LYPD1: variants seen among roughly 807,000 people sequenced by gnomAD.
LYPD1 encodes the protein ly6/PLAUR domain-containing protein 1.
In LYPD1, 14 loss-of-function variants were observed where a neutral mutation model predicts 14.2. That is an observed-to-expected ratio of 0.99 (90% CI 0.65 to 1.54). The LOEUF is 1.54. Among genes scored for constraint, LYPD1 ranks in the 40% most tolerant of loss-of-function variants. The pLI, the probability that LYPD1 is intolerant of heterozygous loss-of-function variation, is 0.00. For missense variants in LYPD1, 165 were observed against 175.7 expected (o/e 0.94, Z 0.34); for synonymous variants, 85 against 70.6 (o/e 1.20, Z -1.02).
At chr2:132,670,236 G>T, upstream of LYPD1, 5 of 757,876 alleles carry the variant, frequency 6.6e-6, no homozygotes, top group Non-Finnish European at 9.1e-6. This position sits in a 1 kb window ranked among gnomAD's most constrained non-coding sequence, Gnocchi z 4.5. Context: ...ACCCACAAAA[G>T]TCTCGCCTTT....
Position 132,644,346 on chromosome 2 carries a change from C to A in LYPD1, c.*1699G>T, listed in dbSNP as rs1274574352. Reference sequence around the variant, plus strand: ...GGGCTGTTGACAGCACAGCTCAGTGCTGCAAAGGAAGGGAACATGTTACTG... The same window carrying A: ...GGGCTGTTGACAGCACAGCTCAGTGATGCAAAGGAAGGGAACATGTTACTG... On this transcript the variant is annotated 3_prime_UTR_variant, in exon 3 of 3. Transcript: ENST00000397463. Among the ~76,000 whole-genome samples the A allele has an allele frequency of 1.3e-5, 2 of 152,196 alleles. No individual in the cohort carries two copies. The highest frequency in any genetic ancestry group is 2.9e-5 in the Non-Finnish European group (2 of 68,034).
Position 132,645,831 on chromosome 2 carries a change from C to T in LYPD1, c.*214G>A, listed in dbSNP as rs1262140970. On this transcript the variant is annotated 3_prime_UTR_variant, in exon 3 of 3. Coordinates refer to ENST00000397463, the MANE Select transcript of LYPD1 (RefSeq NM_144586.7). ...GGGTGAACTTTCACTCCACCTCCTTCCTTCAAGTACATACTGAAAATTCAG... is the reference window on the plus strand; with the variant it reads ...GGGTGAACTTTCACTCCACCTCCTTTCTTCAAGTACATACTGAAAATTCAG... The T allele has an allele frequency of 3.0e-6, 2 of 673,960 alleles. No individual in the cohort carries two copies. The highest frequency in any genetic ancestry group is 3.6e-5 in the African/African-American group (2 of 55,070). The allele number at this position is 673,960 out of a possible 1,614,324, so 41.7% of individuals were successfully genotyped here. A position where few individuals can be genotyped will look rare whatever the true frequency, so the allele number is the denominator to read the frequency against.
chr2:132,659,529 G>T (rs1045430489), intron 2 of LYPD1, among the ~76,000 whole-genome samples: 1 of 152,228 alleles, frequency 6.6e-6, no homozygotes, highest in Non-Finnish European at 1.5e-5. Context: ...GCTGGCTGGA[G>T]AACACTGAAC....
rs1274021917 is a variant in LYPD1 at position 132,669,764 on chromosome 2, G to T, written c.52+117C>A. 13 of 1,479,906 alleles carry T rather than the reference G, an allele frequency of 8.8e-6. No individual in the cohort carries two copies. The highest frequency in any genetic ancestry group is 6.5e-5 in the South Asian group (5 of 76,658). 91.7% of individuals were successfully genotyped at this position (1,479,906 alleles called of 1,614,324 possible). Reference sequence around the variant, plus strand: ...GCACCAGTCGCGGCCGCCAACTCCCGCTGGGCAGCCCCAGCGCAGGGCTGG... The same window carrying T: ...GCACCAGTCGCGGCCGCCAACTCCCTCTGGGCAGCCCCAGCGCAGGGCTGG... On this transcript the variant is annotated intron_variant, in intron 1 of 2. Transcript: ENST00000397463. The surrounding 1 kb of genome is among the most constrained non-coding windows in gnomAD (Gnocchi z 4.3).
chr2:132,669,790 C>T lies in LYPD1; in HGVS notation c.52+91G>A. On this transcript the variant is annotated intron_variant, in intron 1 of 2. Coordinates refer to ENST00000397463, the MANE Select transcript of LYPD1 (RefSeq NM_144586.7). This position sits in a 1 kb window ranked among gnomAD's most constrained non-coding sequence, Gnocchi z 4.3. ...CTGGGCAGCCCCAGCGCAGGGCTGG[C>T]CCCGAGGTGGGCGCCTTGGGGGCAA... 1 of 1,558,880 alleles carries T rather than the reference C, an allele frequency of 6.4e-7. No homozygotes were observed.
At chr2:132,662,485 T>G in intron 2 of LYPD1, among the ~76,000 whole-genome samples, 1 of 151,088 alleles carries the variant, frequency 6.6e-6, no homozygotes, top group Non-Finnish European at 1.5e-5. Context: ...AAAATAGGGG[T>G]TGAAGTGTTG....
chr2:132,643,818 C>A lies in LYPD1; in HGVS notation c.*2227G>T, dbSNP rs1302241151. ...ATCAGGCATGCGCCACCATGTCTGG[C>A]CCCCATTTATTAATAGAATATTTAC... On this transcript the variant is annotated 3_prime_UTR_variant, in exon 3 of 3. Transcript: ENST00000397463. Among the ~76,000 whole-genome samples the A allele has an allele frequency of 6.6e-6, 1 of 152,146 alleles. No homozygotes were observed. The highest frequency in any genetic ancestry group is 1.9e-4 in the East Asian group (1 of 5,192).
chr2:132,648,104 A>T (rs1167815653), intron 2 of LYPD1, among the ~76,000 whole-genome samples: 2 of 152,180 alleles, frequency 1.3e-5, no homozygotes, highest in Admixed American at 1.3e-4. Context: ...TTTCTAAGGA[A>T]TACACTTCAG....
intron 2 of LYPD1, among the ~76,000 whole-genome samples, chr2:132,666,199 T>C (rs980093409): frequency 1.3e-5 from 2 of 152,228 alleles, no homozygotes; most frequent in African/African-American, 4.8e-5. Flanking sequence ...CTGTGTTCAC[T>C]TAAAGTTTTA....
rs1415099827 is a variant in LYPD1, at chr2:132,646,001, G to T, written c.*44C>A. The T allele has an allele frequency of 8.4e-6, 12 of 1,431,888 alleles. No homozygotes were observed. The South Asian group carries it at 1.7e-4, about 20-fold the overall frequency. The allele number at this position is 1,431,888 out of a possible 1,614,324, so 88.7% of individuals were successfully genotyped here. Reference sequence around the variant, plus strand: ...CAGGGAGGTGGGGGGTTGGGGGCGAGGGCTGGAAGAACAATGCAGGAGGGG... The same window carrying T: ...CAGGGAGGTGGGGGGTTGGGGGCGATGGCTGGAAGAACAATGCAGGAGGGG... On this transcript the variant is annotated 3_prime_UTR_variant, in exon 3 of 3. Transcript: ENST00000397463.
At chr2:132,664,406 C>A (rs1429246738) in intron 2 of LYPD1, among the ~76,000 whole-genome samples, 1 of 152,180 alleles carries the variant, frequency 6.6e-6, no homozygotes, top group Non-Finnish European at 1.5e-5. Context: ...AGATATGAAG[C>A]CATCCCTGCC....
In LYPD1 at chr2:132,645,112, G is replaced by T; in HGVS notation, c.*933C>A. ...TCGTGTCTGCCCAGGGCTGATTGTT[G>T]TGACATTGGCCGTATGCTGGATGCC... On this transcript the variant is annotated 3_prime_UTR_variant, in exon 3 of 3. Coordinates refer to ENST00000397463, the MANE Select transcript of LYPD1 (RefSeq NM_144586.7). 1 of 1,612,470 alleles carries T rather than the reference G, an allele frequency of 6.2e-7. No homozygotes were observed. The highest frequency in any genetic ancestry group is 8.5e-7 in the Non-Finnish European group (1 of 1,179,066).
chr2:132,646,522 G>C (rs1473318085), intron 2 of LYPD1: 2 of 384,842 alleles, frequency 5.2e-6, no homozygotes, highest in East Asian at 7.5e-5. Flanking sequence ...GCCAATACCT[G>C]TGAATACCTG....
Position 132,644,293 on chromosome 2 carries a change from G to T in LYPD1, c.*1752C>A, listed in dbSNP as rs1681939960. On this transcript the variant is annotated 3_prime_UTR_variant, in exon 3 of 3. Transcript: ENST00000397463. The stretch of plus-strand genomic sequence containing the variant: ...TGATCTACAGAAGGGCCTTTGAGTG[G>T]TCTCTTCTCTAGGGCCTGATTGCTT... Among the ~76,000 whole-genome samples, 1 of 152,210 alleles carries T rather than the reference G, an allele frequency of 6.6e-6. No homozygotes were observed. The highest frequency in any genetic ancestry group is 1.5e-5 in the Non-Finnish European group (1 of 68,038).
intron 2 of LYPD1, among the ~76,000 whole-genome samples, chr2:132,660,167 G>T (rs1003489483): frequency 6.6e-6 from 1 of 152,238 alleles, no homozygotes; most frequent in Non-Finnish European, 1.5e-5. Flanking sequence ...TCCATGTCCA[G>T]TGAGAAATGA....
At chr2:132,653,521 G>C (rs1226504235) in intron 2 of LYPD1, among the ~76,000 whole-genome samples, 1 of 152,218 alleles carries the variant, frequency 6.6e-6, no homozygotes, top group Non-Finnish European at 1.5e-5. Flanking sequence ...CAGAAGGAAT[G>C]AGGGAAATAG....
At chr2:132,648,255 A>T (rs1292488683) in intron 2 of LYPD1, among the ~76,000 whole-genome samples, 3 of 149,678 alleles carry the variant, frequency 2.0e-5, no homozygotes, top group Admixed American at 6.7e-5. Context: ...CTTTAAGTGA[A>T]TTTTTAAACT....
chr2:132,655,671 T>C (rs909724341), intron 2 of LYPD1, among the ~76,000 whole-genome samples: 5 of 152,076 alleles, frequency 3.3e-5, no homozygotes, highest in Admixed American at 6.5e-5. Context: ...CCTGCCACCA[T>C]GCCTGGCTAA....
In LYPD1 at chr2:132,645,638, G is replaced by C. The variant is rs374523079; in HGVS notation, c.*407C>G. The C allele has an allele frequency of 2.5e-6, 4 of 1,587,544 alleles. No homozygotes were observed. The Admixed American group carries it at 7.0e-5, about 28-fold the overall frequency. On this transcript the variant is annotated 3_prime_UTR_variant, in exon 3 of 3. Transcript: ENST00000397463. ...AGCGAGGGAGCCTTGAGTGGGAACT[G>C]GCCCTCCAGCCCTAAGAAAACGTCA...
Sources: allele counts gnomAD v4.1 joint callset (sites outside exome capture counted in the v4.1 genomes callset), GRCh38; gene constraint gnomAD v4.1.1; non-coding constraint Gnocchi (gnomAD v3.1); transcripts MANE v1.5; gene names NCBI Gene and HGNC (gene_info 2026-07-23, HGNC 2026-07-21).